Variants in CTXN2 observed in about 807,000 individuals in gnomAD.
CTXN2 encodes cortexin-2.
A neutral mutation model predicts 5.7 loss-of-function variants in CTXN2; 3 were observed. The observed-to-expected ratio is 0.53, with a 90% CI of 0.24 to 1.36. The LOEUF (loss-of-function observed/expected upper bound fraction) is 1.36, where lower values mean the gene tolerates loss of function less well. Among genes scored for constraint, CTXN2 ranks in the 40% most tolerant of loss-of-function variants. CTXN2 has a pLI of 0.17. For missense variants in CTXN2, 87 were observed against 93.0 expected, an observed-to-expected ratio of 0.94 and a Z score of 0.26; for synonymous variants, 38 against 36.4, an observed-to-expected ratio of 1.04 and a Z score of -0.16.
upstream of CTXN2, among the ~76,000 whole-genome samples, chr15:48,186,806 A>G (rs2040761034): frequency 6.6e-6 from 1 of 151,588 alleles, no homozygotes; most frequent in Non-Finnish European, 1.5e-5. Flanking sequence ...GTTACTCAGA[A>G]GGCTGAGGCA....
chr15:48,194,924 A>C (rs2040862562), intron 1 of CTXN2, among the ~76,000 whole-genome samples: 1 of 152,138 alleles, frequency 6.6e-6, no homozygotes, highest in Non-Finnish European at 1.5e-5. Context: ...AAATATTTCT[A>C]TGTACTGGGC....
intron 1 of CTXN2, among the ~76,000 whole-genome samples, chr15:48,179,714 T>C (rs1567286957): frequency 2.6e-5 from 4 of 152,232 alleles, no homozygotes; most frequent in Non-Finnish European, 4.4e-5. Context: ...AAGCACTTTA[T>C]GTAGGAAAAA....
At chr15:48,194,371 T>C (rs1396618820) in intron 1 of CTXN2, among the ~76,000 whole-genome samples, 1 of 152,128 alleles carries the variant, frequency 6.6e-6, no homozygotes, top group East Asian at 1.9e-4. Context: ...TAAAACTTAT[T>C]TTCTGTCAAG....
chr15:48,191,944 G>A, intron 1 of CTXN2, 91 bp downstream of exon 1: 1 of 408,080 alleles, frequency 2.5e-6, no homozygotes, highest in South Asian at 1.8e-5. Flanking sequence ...TGAGAAGCAT[G>A]TCCTCATTCT....
chr15:48,191,844 A>C lies in CTXN2; in HGVS notation c.-67A>C, dbSNP rs2040826525. ...GCTGGACTTCATCTCCATGGCAACA[A>C]GCATGGAAGGTGAGACATCGCTGTC... On this transcript the variant is annotated 5_prime_UTR_variant, in exon 1 of 2. Coordinates refer to ENST00000417307, the MANE Select transcript of CTXN2 (RefSeq NM_001145668.2). The C allele has an allele frequency of 2.2e-6, 1 of 455,878 alleles. No individual in the cohort carries two copies. 28.2% of individuals were successfully genotyped at this position (455,878 alleles called of 1,614,324 possible).
intron 1 of CTXN2, among the ~76,000 whole-genome samples, chr15:48,182,211 A>T (rs1052775395): frequency 1.3e-5 from 2 of 151,958 alleles, no homozygotes; most frequent in African/African-American, 2.4e-5. Context: ...AGCATTTAGC[A>T]TTCCAAAAAT....
At chr15:48,198,827 A>T (rs2040903177) in intron 1 of CTXN2, among the ~76,000 whole-genome samples, 1 of 152,180 alleles carries the variant, frequency 6.6e-6, no homozygotes, top group Non-Finnish European at 1.5e-5. Flanking sequence ...CACCTAAATA[A>T]ATTTAGCTAA....
intron 1 of CTXN2, among the ~76,000 whole-genome samples, chr15:48,197,738 CAG>C (rs1438324624): frequency 6.6e-6 from 1 of 152,084 alleles, no homozygotes; most frequent in African/African-American, 2.4e-5. Flanking sequence ...AATAGAGACA[CAG>C]AGTGCTTATA....
chr15:48,192,084 G>T, intron 1 of CTXN2: 1 of 304,294 alleles, frequency 3.3e-6, no homozygotes, highest in Non-Finnish European at 6.6e-6. Flanking sequence ...CGGCTGCCAG[G>T]CGGGGGAAAA....
At chr15:48,199,401 C>T (rs1207814085) in intron 1 of CTXN2, among the ~76,000 whole-genome samples, 2 of 152,102 alleles carry the variant, frequency 1.3e-5, no homozygotes, top group African/African-American at 4.8e-5. Context: ...ATGTTTATTG[C>T]CTCCTCTTAC....
At chr15:48,196,506 T>C (rs147424556) in intron 1 of CTXN2, among the ~76,000 whole-genome samples, 11 of 152,104 alleles carry the variant, frequency 7.2e-5, no homozygotes, top group Non-Finnish European at 1.3e-4. Context: ...TAGAACCCGA[T>C]ATTTATTAGG....
rs930444011 is a variant in CTXN2, at chr15:48,201,915, C to T, written c.*369C>T. ...CCAGGCATCCCCTCCACATTCCTGACTCAGACCCCTTTAGCTTTAGTGAGT... is the reference window on the plus strand; with the variant it reads ...CCAGGCATCCCCTCCACATTCCTGATTCAGACCCCTTTAGCTTTAGTGAGT... On this transcript the variant is annotated 3_prime_UTR_variant, in exon 2 of 2. Transcript: ENST00000417307. The T allele has an allele frequency of 8.3e-6, 2 of 241,890 alleles. No individual in the cohort carries two copies. Among genetic ancestry groups the T allele is most frequent in the African/African-American group, 4.5e-5 (2 of 44,034 alleles). 15.0% of individuals were successfully genotyped at this position (241,890 alleles called of 1,614,324 possible).
At position 48,201,381 on chromosome 15, in the gene CTXN2, A is replaced by C; in HGVS notation, c.81A>C (p.Gln27His). 1.3e-6 allele frequency: 2 copies of C among 1,551,420 alleles called. No individual in the cohort carries two copies. Among genetic ancestry groups the C allele is most frequent in the Non-Finnish European group, 8.7e-7 (1 of 1,146,768 alleles). The change falls in exon 2 of 2, where the codon CAA becomes CAC. Residue 27 changes from glutamine to histidine, a missense_variant. Transcript: ENST00000417307. Reference protein sequence around the residue: ...EVSAFSLTLEQKTGFAFVGIL... With the variant: ...EVSAFSLTLEHKTGFAFVGIL... ...CAGCTTTCTCATTGACTCTGGAGCA[A>C]AAAACTGGCTTTGCTTTTGTTGGGA...
chr15:48,188,507 T>G (rs1451698470), upstream of CTXN2, among the ~76,000 whole-genome samples: 1 of 152,184 alleles, frequency 6.6e-6, no homozygotes, highest in Admixed American at 6.5e-5. Context: ...AATAGTAAGT[T>G]ATATGTTGAC....
chr15:48,203,160 G>A lies in CTXN2; in HGVS notation c.*1614G>A, dbSNP rs1190460241. ...TTATGTTAGGGATTGAACTTGGGCA[G>A]TTTGATTTCTGCTGTATCCCTAGAC... On this transcript the variant is annotated 3_prime_UTR_variant, in exon 2 of 2. Transcript: ENST00000417307. The A allele has an allele frequency of 1.2e-5, 2 of 167,050 alleles. No homozygotes were observed. Among genetic ancestry groups the A allele is most frequent in the Admixed American group, 6.5e-5 (1 of 15,284 alleles). The allele number at this position is 167,050 out of a possible 1,614,324, so 10.3% of individuals were successfully genotyped here. A position where few individuals can be genotyped will look rare whatever the true frequency, so the allele number is the denominator to read the frequency against.
chr15:48,198,285 T>C (rs1437952504), intron 1 of CTXN2, among the ~76,000 whole-genome samples: 1 of 152,170 alleles, frequency 6.6e-6, no homozygotes, highest in Admixed American at 6.5e-5. Context: ...TTTTTCATTT[T>C]AACTAAATGT....
At chr15:48,186,095 T>C (rs897841377) in intron 1 of CTXN2, among the ~76,000 whole-genome samples, 9 of 152,184 alleles carry the variant, frequency 5.9e-5, no homozygotes, top group Admixed American at 2.0e-4. Context: ...TTATGGCTCA[T>C]ACATTCGTGG....
At chr15:48,182,834 C>G (rs1315785679) in intron 1 of CTXN2, among the ~76,000 whole-genome samples, 1 of 152,114 alleles carries the variant, frequency 6.6e-6, no homozygotes, top group Non-Finnish European at 1.5e-5. Flanking sequence ...GGAGCTATTG[C>G]TAGAGTTTGA....
At chr15:48,188,849 GT>G (rs537654144), upstream of CTXN2, among the ~76,000 whole-genome samples, 68 of 152,108 alleles carry the variant, frequency 4.5e-4, no homozygotes, top group Non-Finnish European at 9.1e-4. Context: ...AGTATTCTGT[GT>G]TTTATCTTTT....
Sources: gnomAD v4.1 joint callset for allele counts (sites outside exome capture counted in the v4.1 genomes callset) on GRCh38, gnomAD v4.1.1 for gene constraint, MANE v1.5 for transcripts, NCBI Gene and HGNC (gene_info 2026-07-23, HGNC 2026-07-21) for gene names.